The following HAO1 variants were observed in gnomAD, a reference collection of about 807,000 sequenced individuals.
The protein encoded by HAO1 is 2-Hydroxyacid oxidase 1.
Under a neutral mutation model 39.7 loss-of-function variants are expected in HAO1, and 34 were observed. The observed-to-expected ratio is 0.86, with a 90% confidence interval of 0.65 to 1.14. HAO1 has a LOEUF of 1.14. Ranked by LOEUF, HAO1 falls within the 50% of genes most tolerant of loss-of-function variation. HAO1 has a pLI of 0.00. For synonymous variants in HAO1, 172 were observed against 173.2 expected, an observed-to-expected ratio of 0.99 and a Z score of 0.05; for missense variants, 479 against 464.5, an observed-to-expected ratio of 1.03 and a Z score of -0.29.
intron 2 of HAO1, among the ~76,000 whole-genome samples, chr20:7,922,060 A>C (rs1199673397): frequency 6.6e-6 from 1 of 152,120 alleles, no homozygotes; most frequent in East Asian, 1.9e-4. Context: ...AGCATCATGC[A>C]ATATACCTTT....
chr20:7,938,868 G>A (rs1325248349), intron 1 of HAO1, among the ~76,000 whole-genome samples: 9 of 152,070 alleles, frequency 5.9e-5, no homozygotes, highest in South Asian at 2.1e-4. Flanking sequence ...GCTAGCATGC[G>A]ACAAAGGGAA....
In HAO1 at chr20:7,885,799, A is replaced by AC; in HGVS notation, c.878dup (p.Val294CysfsTer6). 1 of 1,613,400 alleles carries AC rather than the reference A, an allele frequency of 6.2e-7. No homozygotes were observed. Among genetic ancestry groups the AC allele is most frequent in the African/African-American group, 1.3e-5 (1 of 74,990 alleles). On this transcript the variant is annotated frameshift_variant, in exon 6 of 8. Transcript: ENST00000378789. LOFTEE classifies it high-confidence loss of function. ...TCAGAACATCAGTGCCTTTCCGCAC[A>AC]CCCCCGTCCAGGAAGACTTCCACCT... is the stretch of plus-strand genomic sequence containing the variant.
At chr20:7,933,893 G>T (rs1008496913) in intron 2 of HAO1, among the ~76,000 whole-genome samples, 1 of 152,076 alleles carries the variant, frequency 6.6e-6, no homozygotes, top group African/African-American at 2.4e-5. Flanking sequence ...AAGACAGCTG[G>T]AACTGCTCTA....
intron 5 of HAO1, among the ~76,000 whole-genome samples, chr20:7,894,232 C>G (rs1444856371): frequency 6.6e-6 from 1 of 152,154 alleles, no homozygotes; most frequent in Non-Finnish European, 1.5e-5. Context: ...GACCCCCAGT[C>G]TCTGATCTTA....
chr20:7,893,449 T>C (rs1168646897), intron 5 of HAO1, among the ~76,000 whole-genome samples: 1 of 152,222 alleles, frequency 6.6e-6, no homozygotes, highest in Non-Finnish European at 1.5e-5. Context: ...TTAGAAATTA[T>C]GGTTTAGGAG....
In HAO1 at chr20:7,886,045, A is replaced by G. The variant is rs866449367; in HGVS notation, c.814-181T>C. On this transcript the variant is annotated intron_variant, in intron 5 of 7. Transcript: ENST00000378789. ...GAGAGGTACAAATGCTAGTAACTAA[A>G]ACACCAACTAAATTTGGAAATGAGC... 5.3e-5 allele frequency among the ~76,000 whole-genome samples: 8 copies of G among 152,314 alleles called. No homozygotes were observed. The South Asian group carries it at 1.7e-3, about 32-fold the overall frequency.
At chr20:7,891,549 A>G (rs2050174206) in intron 5 of HAO1, among the ~76,000 whole-genome samples, 1 of 150,848 alleles carries the variant, frequency 6.6e-6, no homozygotes, top group Admixed American at 6.6e-5. Context: ...AGTTTAATTA[A>G]CTCCCAGCTA....
At chr20:7,913,694 T>A (rs2050291702) in intron 3 of HAO1, among the ~76,000 whole-genome samples, 1 of 152,160 alleles carries the variant, frequency 6.6e-6, no homozygotes. Context: ...TGAACCACAG[T>A]GAAAGGAATA....
rs760349782 is a variant in HAO1, at chr20:7,895,008, T to G, written c.813+125A>C. ...ACTTAAAATCCAAGATCTCACATATTTGCACGTATTTCACCTTGAGTGATT... is the reference window on the plus strand; with the variant it reads ...ACTTAAAATCCAAGATCTCACATATGTGCACGTATTTCACCTTGAGTGATT... On this transcript the variant is annotated intron_variant, in intron 5 of 7. Transcript: ENST00000378789. 8.4e-4 allele frequency: 568 copies of G among 673,594 alleles called. 4 individuals are homozygous for G. Among genetic ancestry groups the G allele is most frequent in the Non-Finnish European group, 2.1e-4 (81 of 377,958 alleles). 41.7% of individuals were successfully genotyped at this position (673,594 alleles called of 1,614,324 possible).
chr20:7,905,245 G>T (rs1372656071), intron 4 of HAO1, among the ~76,000 whole-genome samples: 1 of 149,094 alleles, frequency 6.7e-6, no homozygotes, highest in Non-Finnish European at 1.5e-5. Flanking sequence ...GCTGCACTGG[G>T]CTTAATTTCT....
intron 5 of HAO1, among the ~76,000 whole-genome samples, chr20:7,888,792 T>G (rs2050161587): frequency 6.6e-6 from 1 of 152,228 alleles, no homozygotes; most frequent in Non-Finnish European, 1.5e-5. Flanking sequence ...ATTGAACTTA[T>G]GATTTGCTTT....
At position 7,883,518 on chromosome 20, in the gene HAO1, C is replaced by T; in HGVS notation, c.*75G>A. ...GTGGGGAATTACAGACTGTGGTCAC[C>T]CTCTGCACAGTGTCTCTTTGTCAAG... On this transcript the variant is annotated 3_prime_UTR_variant, in exon 8 of 8. Transcript: ENST00000378789. 9.4e-7 allele frequency: 1 copy of T among 1,064,010 alleles called. No individual in the cohort carries two copies. The highest frequency in any genetic ancestry group is 1.5e-6 in the Non-Finnish European group (1 of 678,572). The allele number at this position is 1,064,010 out of a possible 1,614,324, so 65.9% of individuals were successfully genotyped here.
chr20:7,898,349 C>T lies in HAO1; in HGVS notation c.722-3125G>A, dbSNP rs573268568. 1.4e-4 allele frequency among the ~76,000 whole-genome samples: 21 copies of T among 152,244 alleles called. No individual in the cohort carries two copies. In the East Asian group the frequency reaches 4.0e-3, roughly 29 times the overall value. ...CAAGGTACAGTTTTCTGTATGTTTT[C>T]CTGCTGTCAACAGGCTTTCAAAAGT... On this transcript the variant is annotated intron_variant, in intron 4 of 7. Transcript: ENST00000378789.
At chr20:7,932,261 A>G (rs2235247) in intron 2 of HAO1, among the ~76,000 whole-genome samples, 18,885 of 152,164 alleles carry the variant, frequency 0.12, 1,498 homozygotes, top group South Asian at 0.33. Flanking sequence ...TCTTTCCTTA[A>G]TAAATTACCC....
chr20:7,940,174 G>T, intron 1 of HAO1, 112 bp downstream of exon 1: 1 of 872,944 alleles, frequency 1.1e-6, no homozygotes, highest in Non-Finnish European at 1.7e-6. Context: ...TCTCTACTAA[G>T]CACAAATCTG....
chr20:7,910,573 C>T (rs191217958), intron 3 of HAO1, among the ~76,000 whole-genome samples: 2 of 152,196 alleles, frequency 1.3e-5, no homozygotes, highest in East Asian at 3.9e-4. Context: ...CACATCATTC[C>T]AACCTCTACA....
rs762100099 is a variant in HAO1 at position 7,895,206 on chromosome 20, G to A, written c.740C>T (p.Ala247Val). The part of the protein sequence containing the change: ...GILRGDDARE[A>V]VKHGLNGILV... The stretch of plus-strand genomic sequence containing the variant: ...GATCCCATTCAAGCCATGTTTAACA[G>A]CCTCCCTGGCATCATCACCTGGAGA... The change falls in exon 5 of 8, where the codon GCT (alanine) becomes GTT (valine). Residue 247 changes from alanine to valine, a missense_variant. By Grantham distance (64) the Ala-to-Val change is moderately conservative (BLOSUM62 0). Coordinates refer to ENST00000378789, the MANE Select transcript of HAO1 (RefSeq NM_017545.3). The A allele has an allele frequency of 3.1e-6, 5 of 1,609,500 alleles. No homozygotes were observed. The highest frequency in any genetic ancestry group is 4.3e-6 in the Non-Finnish European group (5 of 1,175,956).
chr20:7,936,548 T>TGTGTGTGTGTGTGTGTGTGTGTGTG (rs1555775557), intron 1 of HAO1, among the ~76,000 whole-genome samples: 44 of 50,748 alleles, frequency 8.7e-4, no homozygotes, highest in South Asian at 1.2e-3. Flanking sequence ...GTGTGTGTGT[T>TGTGTGTGTGTGTGTGTGTGTGTGTG]CGCGCGCGCG....
At chr20:7,914,851 G>T (rs567246030) in intron 2 of HAO1, among the ~76,000 whole-genome samples, 2 of 152,204 alleles carry the variant, frequency 1.3e-5, no homozygotes, top group Non-Finnish European at 2.9e-5. Flanking sequence ...GGGCACAGTG[G>T]CTCACGCCTG....
Sources: allele counts gnomAD v4.1 joint callset (sites outside exome capture counted in the v4.1 genomes callset), GRCh38; gene constraint gnomAD v4.1.1; transcripts MANE v1.5; gene names NCBI Gene and HGNC (gene_info 2026-07-23, HGNC 2026-07-21).